PCDH15: variants seen among roughly 807,000 people sequenced by gnomAD.
PCDH15 encodes protocadherin-15.
A neutral mutation model predicts 178.5 loss-of-function variants in PCDH15; 129 were observed. The observed-to-expected ratio is 0.72, with a 90% CI of 0.63 to 0.84. The LOEUF is 0.84. Among genes scored for constraint, PCDH15 ranks in the 40% least tolerant of loss-of-function variants. The pLI, the probability that PCDH15 is intolerant of heterozygous loss-of-function variation, is 0.00. For synonymous variants in PCDH15, 800 were observed against 732.0 expected (o/e 1.09, Z -1.50); for missense variants, 2,230 against 2,099.9 (o/e 1.06, Z -1.21).
At position 55,463,963 on chromosome 10, in the gene PCDH15, AAGAAAGAAAGAGAAAGAAAGAAAGAAAG is replaced by A. The variant is rs1565165694; in HGVS notation, c.-156+163634_-156+163661del. On this transcript the variant is annotated intron_variant, in intron 2 of 5. Transcript: ENST00000613346. ...AAAGAAAGAAAGAAAGAAAGAAAGAAAGAAAGAAAGAGAAAGAAAGAAAGAAAGAGAAAGAAAGAAAGAAAGAAAGAAA... is the reference window on the plus strand; with the variant it reads ...AAAGAAAGAAAGAAAGAAAGAAAGAAAGAAAGAAAGAAAGAAAGAAAGAAA... Among the ~76,000 whole-genome samples, 16 of 44,588 alleles carry A rather than the reference AAGAAAGAAAGAGAAAGAAAGAAAGAAAG, an allele frequency of 3.6e-4. 2 individuals carry two copies. Among genetic ancestry groups the A allele is most frequent in the African/African-American group, 2.2e-3 (14 of 6,396 alleles). 29.3% of individuals were successfully genotyped at this position (44,588 alleles called of 152,430 possible). A position where few individuals can be genotyped will look rare whatever the true frequency, so the allele number is the denominator to read the frequency against.
intron 2 of PCDH15, among the ~76,000 whole-genome samples, chr10:55,537,887 T>C (rs1411421481): frequency 6.6e-6 from 1 of 152,242 alleles, no homozygotes; most frequent in African/African-American, 2.4e-5. Context: ...ATTTGTTTTT[T>C]ATTTATCGAT....
At position 54,346,409 on chromosome 10, in the gene PCDH15, T is replaced by A; in HGVS notation, c.550A>T (p.Asn184Tyr). The change falls in exon 6 of 38, where the codon AAT becomes TAT. Residue 184 changes from asparagine (N) to tyrosine (Y), a missense_variant. By Grantham distance (143) the Asn-to-Tyr change is moderately radical. Coordinates refer to ENST00000644397, the MANE Select transcript of PCDH15 (RefSeq NM_001384140.1). Reference protein sequence around the residue: ...NGATDIDDGPNGQIEYVIQYN... With the variant: ...NGATDIDDGPYGQIEYVIQYN... Reference sequence around the variant, plus strand: ...TGAATAACATACTCTATCTGTCCATTTGGTCCATCATCTATATCTGTAGCT... The same window carrying A: ...TGAATAACATACTCTATCTGTCCATATGGTCCATCATCTATATCTGTAGCT... The A allele has an allele frequency of 1.9e-6, 3 of 1,613,630 alleles. No homozygotes were observed. In the South Asian group the frequency reaches 3.3e-5, roughly 18 times the overall value.
intron 26 of PCDH15, among the ~76,000 whole-genome samples, chr10:53,894,853 A>T (rs2610823): frequency 6.6e-6 from 1 of 151,988 alleles, no homozygotes; most frequent in Admixed American, 6.6e-5. Flanking sequence ...AAAGTCTCAC[A>T]GAGAGATAAG....
chr10:54,809,295 G>T (rs1346696795), intron 3 of PCDH15, among the ~76,000 whole-genome samples: 2 of 152,056 alleles, frequency 1.3e-5, no homozygotes, highest in African/African-American at 4.8e-5. Flanking sequence ...TTAAATAAAG[G>T]AAATATAAAA....
At chr10:55,181,901 T>G (rs1298425676) in intron 1 of PCDH15, among the ~76,000 whole-genome samples, 1 of 151,962 alleles carries the variant, frequency 6.6e-6, no homozygotes, top group Non-Finnish European at 1.5e-5. Context: ...GAATACTGTT[T>G]TATTAATGTT....
At chr10:55,205,779 G>T (rs11591674) in intron 1 of PCDH15, among the ~76,000 whole-genome samples, 24,284 of 151,862 alleles carry the variant, frequency 0.16, 2,631 homozygotes, top group Non-Finnish European at 0.24. Flanking sequence ...TTTTCACGCT[G>T]CTGATAAAGA....
At chr10:55,068,197 A>C (rs1035796509) in intron 2 of PCDH15, among the ~76,000 whole-genome samples, 2 of 151,858 alleles carry the variant, frequency 1.3e-5, no homozygotes, top group African/African-American at 4.8e-5. Context: ...GTTTTTTGTT[A>C]TATCTTTGCA....
At chr10:54,491,496 G>A (rs1239535103) in intron 3 of PCDH15, among the ~76,000 whole-genome samples, 2 of 151,996 alleles carry the variant, frequency 1.3e-5, no homozygotes, top group Non-Finnish European at 2.9e-5. Flanking sequence ...TAACTTCCCA[G>A]GTTAGGTTTA....
At chr10:54,555,980 A>C (rs2087209551) in intron 2 of PCDH15, among the ~76,000 whole-genome samples, 1 of 152,214 alleles carries the variant, frequency 6.6e-6, no homozygotes, top group Admixed American at 6.5e-5. Flanking sequence ...GAAAGGACAA[A>C]AGCCAGCAGT....
At chr10:55,603,023 C>T (rs1208971332) in intron 2 of PCDH15, among the ~76,000 whole-genome samples, 2 of 151,862 alleles carry the variant, frequency 1.3e-5, no homozygotes, top group African/African-American at 4.8e-5. Flanking sequence ...CTAGAATAAC[C>T]AATACAGAGA....
intron 2 of PCDH15, among the ~76,000 whole-genome samples, chr10:55,556,230 T>A (rs1361593300): frequency 6.6e-6 from 1 of 152,094 alleles, no homozygotes; most frequent in Non-Finnish European, 1.5e-5. Context: ...TTTTCCAAAT[T>A]TTTGATAAGA....
At chr10:55,557,105 T>C (rs192656792) in intron 2 of PCDH15, among the ~76,000 whole-genome samples, 2 of 152,274 alleles carry the variant, frequency 1.3e-5, no homozygotes, top group Non-Finnish European at 2.9e-5. Context: ...AGTTTTAATA[T>C]AGCCAAACTT....
intron 1 of PCDH15, among the ~76,000 whole-genome samples, chr10:54,754,948 T>TCC (rs1322348399): frequency 7.7e-5 from 7 of 90,578 alleles, no homozygotes; most frequent in Non-Finnish European, 1.3e-4. Flanking sequence ...CTTTCTTTTT[T>TCC]TTTTTTTTTT....
intron 2 of PCDH15, among the ~76,000 whole-genome samples, chr10:55,380,636 C>CT (rs1837510766): frequency 6.6e-6 from 1 of 152,162 alleles, no homozygotes; most frequent in Admixed American, 6.6e-5. Context: ...TACAATCCCA[C>CT]TGTGTATGCG....
intron 5 of PCDH15, among the ~76,000 whole-genome samples, chr10:54,351,762 T>G (rs942878050): frequency 2.6e-5 from 4 of 152,136 alleles, no homozygotes; most frequent in African/African-American, 9.7e-5. Flanking sequence ...CTGCCCACCT[T>G]TTTTTGCTTC....
intron 1 of PCDH15, among the ~76,000 whole-genome samples, chr10:55,171,784 A>T (rs529783524): frequency 6.6e-6 from 1 of 152,074 alleles, no homozygotes; most frequent in Admixed American, 6.6e-5. Flanking sequence ...TTGGTAGTAG[A>T]TTGTTACATT....
At chr10:55,051,053 C>T (rs1268357596) in intron 2 of PCDH15, among the ~76,000 whole-genome samples, 4 of 152,052 alleles carry the variant, frequency 2.6e-5, no homozygotes, top group African/African-American at 9.7e-5. Flanking sequence ...ATCCCATATA[C>T]TTATGGTGAT....
intron 2 of PCDH15, among the ~76,000 whole-genome samples, chr10:55,069,890 A>C (rs542658679): frequency 6.6e-6 from 1 of 152,214 alleles, no homozygotes; most frequent in East Asian, 1.9e-4. Context: ...TTACAGTCCC[A>C]CCAACAGTGT....
chr10:54,928,522 T>C (rs892772957), intron 2 of PCDH15, among the ~76,000 whole-genome samples: 2 of 152,186 alleles, frequency 1.3e-5, no homozygotes, highest in Non-Finnish European at 2.9e-5. Context: ...GATGATATGC[T>C]GAACTATGTT....
Sources: allele counts gnomAD v4.1 joint callset (sites outside exome capture counted in the v4.1 genomes callset), GRCh38; gene constraint gnomAD v4.1.1; transcripts MANE v1.5; gene names NCBI Gene and HGNC (gene_info 2026-07-23, HGNC 2026-07-21).